Variants in LDLRAP1 observed in about 807,000 individuals in gnomAD.
The protein encoded by LDLRAP1 is low density lipoprotein receptor adaptor protein 1, also known as low density lipoprotein receptor adapter protein 1.
Under a neutral mutation model 37.8 loss-of-function variants are expected in LDLRAP1, and 30 were observed. The ratio of observed to expected loss-of-function variants is 0.79; its 90% CI spans 0.59 to 1.08. The LOEUF is 1.08. Ranked by LOEUF, LDLRAP1 falls within the 50% of genes least tolerant of loss-of-function variation. LDLRAP1 has a pLI of 0.00. For synonymous variants in LDLRAP1, 156 were observed against 169.8 expected, an observed-to-expected ratio of 0.92 and a Z score of 0.63; for missense variants, 375 against 401.6, an observed-to-expected ratio of 0.93 and a Z score of 0.57.
the LDLRAP1 span, among the ~76,000 whole-genome samples, chr1:25,588,847 G>A: frequency 1.1e-3 from 166 of 152,270 alleles, no homozygotes; most frequent in African/African-American, 3.8e-3. Context: ...CTGTTTTTCC[G>A]TCTTAAAGTG....
the LDLRAP1 span, among the ~76,000 whole-genome samples, chr1:25,586,581 C>A: frequency 6.8e-6 from 1 of 146,532 alleles, no homozygotes; most frequent in African/African-American, 2.7e-5. This position sits in a 1 kb window ranked among gnomAD's most constrained non-coding sequence, Gnocchi z 4.3. Flanking sequence ...TGTGCGTGTG[C>A]GCGCGTGTGT....
chr1:25,566,816 A>G (rs2044494414), intron 8 of LDLRAP1, 32 bp from the exon 9 acceptor site: 1 of 1,595,920 alleles, frequency 6.3e-7, no homozygotes. Flanking sequence ...GCCCTCACCC[A>G]GGCTCTCGGC....
At chr1:25,562,850 T>C in intron 5 of LDLRAP1, 134 bp downstream of exon 5, 3 of 829,140 alleles carry the variant, frequency 3.6e-6, no homozygotes, top group Non-Finnish European at 6.0e-6. Flanking sequence ...CCTTCACCGC[T>C]CAGAGTCTCG....
At chr1:25,579,308 T>A in the LDLRAP1 span, among the ~76,000 whole-genome samples, 1 of 152,148 alleles carries the variant, frequency 6.6e-6, no homozygotes, top group South Asian at 2.1e-4. Flanking sequence ...CACCTCCACG[T>A]GCGCAGCTTT....
intron 1 of LDLRAP1, 32 bp downstream of exon 1, chr1:25,543,818 G>T (rs1376581143): frequency 8.4e-7 from 1 of 1,192,684 alleles, no homozygotes; most frequent in African/African-American, 1.6e-5. Context: ...GGGCCGGGCC[G>T]GGATCGGGCA....
At chr1:25,552,823 G>A (rs558603006) in intron 1 of LDLRAP1, among the ~76,000 whole-genome samples, 1 of 152,198 alleles carries the variant, frequency 6.6e-6, no homozygotes, top group African/African-American at 2.4e-5. Flanking sequence ...CCCACCCAGT[G>A]AGGCAGGCTC....
At position 25,543,696 on chromosome 1, in the gene LDLRAP1, GC is replaced by G; in HGVS notation, c.-1del. On this transcript the variant is annotated 5_prime_UTR_variant, in exon 1 of 9. Transcript: ENST00000374338. Reference sequence around the variant, plus strand: ...GCAGCGGCGGCGGCGGCCGGAGCGGGCCATGGACGCGCTCAAGTCGGCGGGG... The same window carrying G: ...GCAGCGGCGGCGGCGGCCGGAGCGGGCATGGACGCGCTCAAGTCGGCGGGG... 3 of 1,215,074 alleles carry G rather than the reference GC, an allele frequency of 2.5e-6. No individual in the cohort carries two copies. In the East Asian group the frequency reaches 9.9e-5, roughly 40 times the overall value. 75.3% of individuals were successfully genotyped at this position (1,215,074 alleles called of 1,614,324 possible).
At position 25,544,232 on chromosome 1, in the gene LDLRAP1, G is replaced by A. The variant is rs984485669; in HGVS notation, c.88+446G>A. ...CCCCTGCGCCCCAGCCAGCAGCTGCGGCGGTCAGGAGCCCACTGGCCCGTT... is the reference window on the plus strand; with the variant it reads ...CCCCTGCGCCCCAGCCAGCAGCTGCAGCGGTCAGGAGCCCACTGGCCCGTT... On this transcript the variant is annotated intron_variant, in intron 1 of 8. Transcript: ENST00000374338. The surrounding 1 kb of genome is among the most constrained non-coding windows in gnomAD (Gnocchi z 4.8). Among the ~76,000 whole-genome samples the A allele has an allele frequency of 2.0e-5, 3 of 152,174 alleles. No individual in the cohort carries two copies. In the East Asian group the frequency reaches 5.8e-4, roughly 29 times the overall value.
chr1:25,566,176 C>T (rs567634919), intron 8 of LDLRAP1, among the ~76,000 whole-genome samples: 1 of 152,318 alleles, frequency 6.6e-6, no homozygotes, highest in Non-Finnish European at 1.5e-5. Flanking sequence ...GAAAGTAACA[C>T]CATCCTGTAA....
the LDLRAP1 span, among the ~76,000 whole-genome samples, chr1:25,576,264 C>T: frequency 4.0e-5 from 6 of 151,298 alleles, no homozygotes; most frequent in East Asian, 2.0e-4. Flanking sequence ...TGGTGGCTCA[C>T]GCCTGTAATT....
chr1:25,585,993 C>T, the LDLRAP1 span, among the ~76,000 whole-genome samples: 1 of 152,176 alleles, frequency 6.6e-6, no homozygotes, highest in African/African-American at 2.4e-5. Context: ...TTGAGAGTGT[C>T]GTTTTATTCC....
downstream of LDLRAP1, among the ~76,000 whole-genome samples, chr1:25,571,808 G>A (rs933402525): frequency 9.9e-5 from 15 of 152,198 alleles, no homozygotes; most frequent in African/African-American, 2.4e-4. Flanking sequence ...CAGATGGTGC[G>A]TTTGTGGCCA....
In LDLRAP1 at chr1:25,554,318, T is replaced by G. The variant is rs2124665368; in HGVS notation, c.231+254T>G. On this transcript the variant is annotated intron_variant, in intron 2 of 8. Coordinates refer to ENST00000374338, the MANE Select transcript of LDLRAP1 (RefSeq NM_015627.3). This position sits in a 1 kb window ranked among gnomAD's most constrained non-coding sequence, Gnocchi z 5.4. ...ACCCCCAGCTCAGGCTCCCTACCAA[T>G]GCATTGGTGACTTATCAGCACCAGG... 6.6e-6 allele frequency among the ~76,000 whole-genome samples: 1 copy of G among 152,234 alleles called. No individual in the cohort carries two copies. Among genetic ancestry groups the G allele is most frequent in the East Asian group, 1.9e-4 (1 of 5,172 alleles).
intron 3 of LDLRAP1, among the ~76,000 whole-genome samples, 172 bp from the exon 4 acceptor site, chr1:25,556,981 C>T (rs1002135980): frequency 6.6e-6 from 1 of 152,166 alleles, no homozygotes; most frequent in Non-Finnish European, 1.5e-5. Context: ...GCCCCTCCTG[C>T]ACAGATGGCC....
intron 1 of LDLRAP1, among the ~76,000 whole-genome samples, chr1:25,546,812 T>A (rs1293883355): frequency 6.9e-6 from 1 of 144,182 alleles, no homozygotes; most frequent in African/African-American, 3.0e-5. Flanking sequence ...TTCATAAACT[T>A]TCTTATGGGT....
chr1:25,558,574 A>G lies in LDLRAP1; in HGVS notation c.459+1307A>G, dbSNP rs147020469. 1.3e-4 allele frequency among the ~76,000 whole-genome samples: 20 copies of G among 152,248 alleles called. No individual in the cohort carries two copies. The East Asian group carries it at 3.5e-3, about 26-fold the overall frequency. ...CATTTCCTTACCTTTTCTACCTCCC[A>G]GAGACTGATCACCTGCATTTCCAGG... is the stretch of plus-strand genomic sequence containing the variant. On this transcript the variant is annotated intron_variant, in intron 4 of 8. Transcript: ENST00000374338.
At chr1:25,549,754 T>TAG (rs528578714) in intron 1 of LDLRAP1, among the ~76,000 whole-genome samples, 67 of 114,464 alleles carry the variant, frequency 5.9e-4, no homozygotes, top group African/African-American at 4.2e-3. Context: ...GTAGGGCGGG[T>TAG]GGCGGGTGTG....
chr1:25,559,112 T>C (rs1424924480), intron 4 of LDLRAP1, among the ~76,000 whole-genome samples: 1 of 152,172 alleles, frequency 6.6e-6, no homozygotes, highest in Non-Finnish European at 1.5e-5. Context: ...GTCCCAGGGC[T>C]CCAAGTTGCT....
downstream of LDLRAP1, among the ~76,000 whole-genome samples, chr1:25,569,082 T>A (rs1419431113): frequency 1.3e-5 from 2 of 151,992 alleles, no homozygotes. Flanking sequence ...GGTGTGTGTG[T>A]GATGAGGTCA....
Sources: allele counts gnomAD v4.1 joint callset (sites outside exome capture counted in the v4.1 genomes callset), GRCh38; gene constraint gnomAD v4.1.1; non-coding constraint Gnocchi (gnomAD v3.1); transcripts MANE v1.5; gene names NCBI Gene and HGNC (gene_info 2026-07-23, HGNC 2026-07-21).